The following ADAM32 variants were observed in gnomAD, a reference collection of about 807,000 sequenced individuals.
ADAM32 encodes ADAM metallopeptidase domain 32, also known as disintegrin and metalloproteinase domain-containing protein 32.
In ADAM32, 89 loss-of-function variants were observed where a neutral mutation model predicts 114.9. That is an observed-to-expected ratio of 0.77 (90% CI 0.65 to 0.92). ADAM32 has a LOEUF of 0.92. ADAM32 is among the 40% of genes least tolerant of loss of function. The pLI, the probability that ADAM32 is intolerant of heterozygous loss-of-function variation, is 0.00. For synonymous variants in ADAM32, 285 were observed against 307.5 expected, an observed-to-expected ratio of 0.93 and a Z score of 0.77; for missense variants, 870 against 932.8, an observed-to-expected ratio of 0.93 and a Z score of 0.88.
intron 1 of ADAM32, among the ~76,000 whole-genome samples, chr8:39,111,802 C>T (rs1840173644): frequency 6.6e-6 from 1 of 151,106 alleles, no homozygotes; most frequent in African/African-American, 2.4e-5. Flanking sequence ...CAGTGACTAC[C>T]TACCATGTTT....
intron 2 of ADAM32, among the ~76,000 whole-genome samples, chr8:39,119,831 A>G (rs1840519516): frequency 6.6e-6 from 1 of 152,128 alleles, no homozygotes; most frequent in African/African-American, 2.4e-5. Context: ...TAATGTGACT[A>G]TATTTGGAGA....
intron 9 of ADAM32, chr8:39,167,896 G>A (rs559494661): frequency 1.2e-4 from 19 of 152,038 alleles, no homozygotes; most frequent in South Asian, 6.2e-4. Flanking sequence ...TCTTGTATCC[G>A]GAAACTTTGC....
chr8:39,198,803 T>G (rs920873766), intron 11 of ADAM32, among the ~76,000 whole-genome samples: 2 of 152,136 alleles, frequency 1.3e-5, no homozygotes, highest in South Asian at 2.1e-4. Flanking sequence ...ATTCCACCAG[T>G]GAGTTGTACA....
intron 1 of ADAM32, among the ~76,000 whole-genome samples, chr8:39,115,974 C>A (rs1266779116): frequency 6.6e-6 from 1 of 152,224 alleles, no homozygotes; most frequent in Non-Finnish European, 1.5e-5. Flanking sequence ...GTTATCCCGG[C>A]ACCATTTATT....
chr8:39,130,023 T>G (rs1245483467), intron 2 of ADAM32: 3 of 266,942 alleles, frequency 1.1e-5, no homozygotes, highest in Non-Finnish European at 2.3e-5. Context: ...GGCACAGTCT[T>G]GGCTCACTGC....
At chr8:39,276,297 G>GA (rs34083242) in intron 22 of ADAM32, 100 of 141,988 alleles carry the variant, frequency 7.0e-4, no homozygotes, top group East Asian at 1.8e-3. Context: ...AGAATTTGTT[G>GA]AAAAAAAAAA....
chr8:39,237,164 T>A (rs753846028), intron 16 of ADAM32, among the ~76,000 whole-genome samples: 3 of 152,018 alleles, frequency 2.0e-5, no homozygotes, highest in African/African-American at 7.3e-5. Flanking sequence ...GAGCAAACCA[T>A]AAAAGTAGAA....
In ADAM32 at chr8:39,264,341, G is replaced by A. The variant is rs147571211; in HGVS notation, c.2163-6535G>A. On this transcript the variant is annotated intron_variant, in intron 19 of 24. Transcript: ENST00000379907. ...TTCTTCTAGGTTTTCTAGTTTGTGT[G>A]TATAGAGGTGTTTGTAATAGTTTCT... Among the ~76,000 whole-genome samples the A allele has an allele frequency of 1.8e-3, 275 of 152,226 alleles. 1 individual carries two copies. Among genetic ancestry groups the A allele is most frequent in the African/African-American group, 6.4e-3 (266 of 41,548 alleles).
At chr8:39,227,425 C>T (rs925027061) in intron 14 of ADAM32, among the ~76,000 whole-genome samples, 11 of 152,114 alleles carry the variant, frequency 7.2e-5, no homozygotes, top group South Asian at 2.1e-4. Context: ...ATCTGGAGGA[C>T]GGCCAGAGGA....
chr8:39,121,310 C>T lies in ADAM32; in HGVS notation c.138+3145C>T, dbSNP rs1395387105. Among the ~76,000 whole-genome samples, 4 of 152,146 alleles carry T rather than the reference C, an allele frequency of 2.6e-5. No homozygotes were observed. The East Asian group carries it at 7.7e-4, about 29-fold the overall frequency. On this transcript the variant is annotated intron_variant, in intron 2 of 24. Coordinates refer to ENST00000379907, the MANE Select transcript of ADAM32 (RefSeq NM_145004.7). ...AGGCTGTTTAACTTCTGGGATTCTA[C>T]AGGATAGGACGATAGAGTTGTCTGG... is the stretch of plus-strand genomic sequence containing the variant.
At chr8:39,118,022 CTG>C in intron 1 of ADAM32, 62 bp from the exon 2 acceptor site, 1 of 1,084,036 alleles carries the variant, frequency 9.2e-7, no homozygotes. Context: ...ATGAAAGAAA[CTG>C]AACAGATATT....
intron 14 of ADAM32, among the ~76,000 whole-genome samples, chr8:39,226,546 A>AT (rs1283203876): frequency 6.6e-6 from 1 of 152,104 alleles, no homozygotes; most frequent in Non-Finnish European, 1.5e-5. Context: ...AAAAAAAAAG[A>AT]TTAAGTAACA....
intron 19 of ADAM32, among the ~76,000 whole-genome samples, chr8:39,266,241 T>C (rs1215924601): frequency 6.6e-6 from 1 of 152,240 alleles, no homozygotes; most frequent in East Asian, 1.9e-4. Context: ...TTTGTGGAAG[T>C]ATTCTCCAAT....
At chr8:39,193,188 G>A (rs1806718652) in intron 11 of ADAM32, among the ~76,000 whole-genome samples, 2 of 152,150 alleles carry the variant, frequency 1.3e-5, no homozygotes, top group African/African-American at 4.8e-5. Context: ...TGGAGGTTTT[G>A]TTCTTTCCTT....
At chr8:39,136,393 G>A (rs1002913275) in intron 2 of ADAM32, among the ~76,000 whole-genome samples, 2 of 152,084 alleles carry the variant, frequency 1.3e-5, no homozygotes, top group African/African-American at 4.8e-5. Flanking sequence ...ATTCATAAGA[G>A]GTTACAGGTT....
intron 2 of ADAM32, among the ~76,000 whole-genome samples, chr8:39,123,119 C>T (rs1446620162): frequency 1.3e-5 from 2 of 152,154 alleles, no homozygotes; most frequent in Non-Finnish European, 2.9e-5. Flanking sequence ...ATACTTTCCC[C>T]ACTGAATTGT....
intron 9 of ADAM32, chr8:39,165,968 T>C (rs1804808669): frequency 6.6e-6 from 1 of 152,202 alleles, no homozygotes; most frequent in South Asian, 2.1e-4. Context: ...TGTCCTTCTG[T>C]AATTGCCTTT....
chr8:39,277,203 C>T (rs548290020), intron 22 of ADAM32, among the ~76,000 whole-genome samples: 1 of 152,310 alleles, frequency 6.6e-6, no homozygotes, highest in Non-Finnish European at 1.5e-5. Context: ...GGGTTATTTA[C>T]CTCCATTCAG....
chr8:39,193,151 A>C (rs898357559), intron 11 of ADAM32, among the ~76,000 whole-genome samples: 2 of 152,158 alleles, frequency 1.3e-5, no homozygotes, highest in African/African-American at 4.8e-5. Context: ...TTGTAGACTT[A>C]GTTTCTTCAC....
Sources: allele counts gnomAD v4.1 joint callset (sites outside exome capture counted in the v4.1 genomes callset), GRCh38; gene constraint gnomAD v4.1.1; transcripts MANE v1.5; gene names NCBI Gene and HGNC (gene_info 2026-07-23, HGNC 2026-07-21).